CEP350: variants seen among roughly 807,000 people sequenced by gnomAD.
CEP350 encodes centrosomal protein 350, also known as centrosome-associated protein 350.
In CEP350, 126 loss-of-function variants were observed where a neutral mutation model predicts 331.8. The ratio of observed to expected loss-of-function variants is 0.38; its 90% CI spans 0.33 to 0.44. CEP350 has a LOEUF of 0.44. Among genes scored for constraint, CEP350 ranks in the 20% least tolerant of loss-of-function variants. CEP350 has a pLI of 1.00. For synonymous variants in CEP350, 1,200 were observed against 1,259.5 expected (o/e 0.95, Z 1.00); for missense variants, 3,406 against 3,634.6 (o/e 0.94, Z 1.62).
intron 16 of CEP350, among the ~76,000 whole-genome samples, 172 bp downstream of exon 16, chr1:180,034,254 G>C (rs1015808217): frequency 6.6e-6 from 1 of 152,090 alleles, no homozygotes; most frequent in Non-Finnish European, 1.5e-5. Context: ...AGCACGAGAG[G>C]TTCAGTAATG....
At chr1:179,971,814 T>C (rs1037776533) in intron 1 of CEP350, among the ~76,000 whole-genome samples, 1 of 152,142 alleles carries the variant, frequency 6.6e-6, no homozygotes, top group African/African-American at 2.4e-5. Flanking sequence ...GAAAACTCCA[T>C]TGTACATTCA....
At position 180,093,314 on chromosome 1, in the gene CEP350, G is replaced by T. The variant is rs577500185; in HGVS notation, c.7209G>T (p.Leu2403=). Residue 2403 remains leucine, a synonymous_variant, in exon 34 of 38, where the codon CTG becomes CTT. Coordinates refer to ENST00000367607, the MANE Select transcript of CEP350 (RefSeq NM_014810.5). Reference sequence around the variant, plus strand: ...ATGATTTTGAGGTGTCATCTTTGCTGTCACTCAGGAAAGACTCTCAGTCTT... The same window carrying T: ...ATGATTTTGAGGTGTCATCTTTGCTTTCACTCAGGAAAGACTCTCAGTCTT... ...YKDDFEVSSL[L]SLRKDSQSCR... 1 of 1,598,260 alleles carries T rather than the reference G, an allele frequency of 6.3e-7. No individual in the cohort carries two copies. The highest frequency in any genetic ancestry group is 1.3e-5 in the African/African-American group (1 of 74,864).
In CEP350 at chr1:180,044,078, G is replaced by T; in HGVS notation, c.4527G>T (p.Gln1509His). Reference sequence around the variant, plus strand: ...AAAGTCCATCTGTTTCACTCTCTCAGAGTAAAGAAGGGACCCTTGACTCAA... The same window carrying T: ...AAAGTCCATCTGTTTCACTCTCTCATAGTAAAGAAGGGACCCTTGACTCAA... ...DRKSPSVSLSQSKEGTLDSKH... is the reference protein window; with the variant it reads ...DRKSPSVSLSHSKEGTLDSKH... Residue 1509 changes from glutamine (Q) to histidine (H), a missense_variant, in exon 21 of 38, where the codon CAG becomes CAT. By Grantham distance (24) the Gln-to-His change is conservative (BLOSUM62 0). Coordinates refer to ENST00000367607, the MANE Select transcript of CEP350 (RefSeq NM_014810.5). 1 of 1,552,860 alleles carries T rather than the reference G, an allele frequency of 6.4e-7. No individual in the cohort carries two copies. The highest frequency in any genetic ancestry group is 2.4e-5 in the East Asian group (1 of 41,784).
intron 37 of CEP350, 133 bp from the exon 38 acceptor site, chr1:180,110,864 T>C: frequency 1.3e-6 from 1 of 760,244 alleles, no homozygotes; most frequent in South Asian, 2.2e-5. Context: ...ATTGATATCA[T>C]ATGAATTATC....
chr1:180,016,347 A>G (rs1654972800), intron 11 of CEP350, among the ~76,000 whole-genome samples: 1 of 152,208 alleles, frequency 6.6e-6, no homozygotes, highest in African/African-American at 2.4e-5. Context: ...ATGTGTAAGA[A>G]CAATTTAGCC....
chr1:180,005,768 C>T (rs1654215553), intron 7 of CEP350, among the ~76,000 whole-genome samples: 1 of 152,170 alleles, frequency 6.6e-6, no homozygotes, highest in South Asian at 2.1e-4. Context: ...TTTCAGTCCA[C>T]TCACACTGAC....
chr1:180,084,190 GA>G lies in CEP350; in HGVS notation c.6285+14del, dbSNP rs775821541. The G allele has an allele frequency of 1.9e-6, 3 of 1,571,426 alleles. No homozygotes were observed. Among genetic ancestry groups the G allele is most frequent in the Non-Finnish European group, 1.7e-6 (2 of 1,160,532 alleles). ...TCAAGCAGTTAGAGGTTAGACATAG[GA>G]AGAAGGGGGTTTAGTATCAAGGCTA... On this transcript the variant is annotated intron_variant, in intron 31 of 37. Transcript: ENST00000367607.
intron 37 of CEP350, among the ~76,000 whole-genome samples, chr1:180,101,334 T>C (rs1337440365): frequency 6.6e-6 from 1 of 152,144 alleles, no homozygotes; most frequent in Non-Finnish European, 1.5e-5. Flanking sequence ...AGCTAATTAT[T>C]AACAAGAAAT....
At chr1:179,961,025 C>G (rs771355590) in intron 1 of CEP350, among the ~76,000 whole-genome samples, 46 of 151,646 alleles carry the variant, frequency 3.0e-4, no homozygotes, top group Non-Finnish European at 4.9e-4. Flanking sequence ...TTCTGTGCTC[C>G]CAAAGGTTGA....
At position 180,041,241 on chromosome 1, in the gene CEP350, C is replaced by A. The variant is rs1286864030; in HGVS notation, c.4214C>A (p.Ala1405Glu). The change falls in exon 18 of 38, where the codon GCA (alanine) becomes GAA (glutamate). Residue 1405 changes from alanine to glutamate, a missense_variant. By Grantham distance (107) the Ala-to-Glu change is moderately radical. This residue lies in a region of CEP350 where 1,857 missense variants were observed against 1,909.2 expected (regional missense o/e 0.97). Transcript: ENST00000367607. ...CAATTAGAAGAAACCCGAAACAAAGCAGCTCAGGTAACTTATTTTGCAGCA... is the reference window on the plus strand; with the variant it reads ...CAATTAGAAGAAACCCGAAACAAAGAAGCTCAGGTAACTTATTTTGCAGCA... ...QRQLEETRNKAAQVHAESLQQ... is the reference protein window; with the variant it reads ...QRQLEETRNKEAQVHAESLQQ... 1 of 1,583,078 alleles carries A rather than the reference C, an allele frequency of 6.3e-7. No homozygotes were observed. The highest frequency in any genetic ancestry group is 8.6e-7 in the Non-Finnish European group (1 of 1,165,020).
chr1:180,075,238 C>G lies in CEP350; in HGVS notation c.5767+17C>G. The G allele has an allele frequency of 1.3e-6, 2 of 1,576,948 alleles. No individual in the cohort carries two copies. Among genetic ancestry groups the G allele is most frequent in the Admixed American group, 1.8e-5 (1 of 54,708 alleles). On this transcript the variant is annotated intron_variant, in intron 28 of 37. Transcript: ENST00000367607. ...AACAGAAAGGTAATAAATACTAACT[C>G]TGTTCACACTACAAACTAAAGCCTA...
chr1:180,039,621 C>T (rs754415883), intron 17 of CEP350, among the ~76,000 whole-genome samples: 17 of 151,822 alleles, frequency 1.1e-4, no homozygotes, highest in Non-Finnish European at 2.9e-5. Context: ...TTAATCTATT[C>T]ATCTATCTGT....
intron 1 of CEP350, among the ~76,000 whole-genome samples, chr1:179,981,805 C>T (rs564372156): frequency 2.6e-5 from 4 of 151,774 alleles, no homozygotes; most frequent in Non-Finnish European, 5.9e-5. Flanking sequence ...TGAGGCCAGC[C>T]TGGGCAACAT....
intron 22 of CEP350, among the ~76,000 whole-genome samples, chr1:180,049,898 A>G (rs188016516): frequency 6.6e-6 from 1 of 152,308 alleles, no homozygotes; most frequent in Non-Finnish European, 1.5e-5. Flanking sequence ...AACTATTTTT[A>G]AGACAGTGGG....
chr1:180,011,000 T>C (rs533848264), intron 8 of CEP350, among the ~76,000 whole-genome samples: 62 of 152,282 alleles, frequency 4.1e-4, no homozygotes, highest in African/African-American at 1.5e-3. Context: ...TTTTTTTCAT[T>C]TCTTTTTAAG....
intron 14 of CEP350, among the ~76,000 whole-genome samples, chr1:180,027,236 A>T (rs143070941): frequency 2.0e-5 from 3 of 152,316 alleles, no homozygotes; most frequent in South Asian, 4.1e-4. Flanking sequence ...TGTGTATGGG[A>T]TCACATTTTA....
chr1:180,092,012 C>A (rs1259593906), intron 33 of CEP350, among the ~76,000 whole-genome samples: 6 of 151,302 alleles, frequency 4.0e-5, no homozygotes, highest in Admixed American at 3.3e-4. Context: ...CCACTGCACT[C>A]CAGCTTAGGT....
intron 17 of CEP350, among the ~76,000 whole-genome samples, chr1:180,040,876 A>G (rs953815424): frequency 6.6e-6 from 1 of 152,114 alleles, no homozygotes; most frequent in Non-Finnish European, 1.5e-5. Flanking sequence ...TGCTTTCTAA[A>G]TGGCTTTTTG....
rs1660374848 is a variant in CEP350 at position 180,094,614 on chromosome 1, C to G, written c.8509C>G (p.Pro2837Ala). The G allele has an allele frequency of 2.5e-6, 4 of 1,608,100 alleles. No individual in the cohort carries two copies. The Admixed American group carries it at 6.9e-5, about 28-fold the overall frequency. ...EISSPDMCPRPESPVFGASGQ... is the reference protein window; with the variant it reads ...EISSPDMCPRAESPVFGASGQ... ...TTCCTCTCCAGATATGTGTCCCAGACCGGTGAGTATTTCGTCTAGAAAAAG... is the reference window on the plus strand; with the variant it reads ...TTCCTCTCCAGATATGTGTCCCAGAGCGGTGAGTATTTCGTCTAGAAAAAG... The change falls in exon 34 of 38, where the codon CCG (proline) becomes GCG (alanine). Residue 2837 changes from proline (P) to alanine (A), a missense_variant and splice_region_variant. By Grantham distance (27) the Pro-to-Ala change is conservative. Transcript: ENST00000367607.
Sources: gnomAD v4.1 joint callset for allele counts (sites outside exome capture counted in the v4.1 genomes callset) on GRCh38, gnomAD v4.1.1 for gene constraint, gnomAD v4.1.1 regional missense constraint, MANE v1.5 for transcripts, NCBI Gene and HGNC (gene_info 2026-07-23, HGNC 2026-07-21) for gene names.